The following MAST4 variants were observed in gnomAD, a reference collection of about 807,000 sequenced individuals.
MAST4 encodes the protein microtubule-associated serine/threonine-protein kinase 4.
Under a neutral mutation model 162.7 loss-of-function variants are expected in MAST4, and 89 were observed. The observed-to-expected ratio is 0.55, with a 90% CI of 0.46 to 0.65. The LOEUF is 0.65. Among genes scored for constraint, MAST4 ranks in the 30% least tolerant of loss-of-function variants. The probability of loss-of-function intolerance (pLI) is 0.00; values close to 1 mark genes in which losing one functional copy is unlikely to be tolerated. For synonymous variants in MAST4, 1,479 were observed against 1,361.1 expected (o/e 1.09, Z -1.91); for missense variants, 3,153 against 3,374.0 (o/e 0.93, Z 1.62).
intron 3 of MAST4, among the ~76,000 whole-genome samples, chr5:66,845,449 C>A (rs1019277919): frequency 6.6e-6 from 1 of 151,882 alleles, no homozygotes; most frequent in Non-Finnish European, 1.5e-5. Flanking sequence ...TGAACTCATC[C>A]TTTTTTATGG....
At chr5:66,957,787 G>A (rs1177996956) in intron 4 of MAST4, among the ~76,000 whole-genome samples, 1 of 152,216 alleles carries the variant, frequency 6.6e-6, no homozygotes, top group Non-Finnish European at 1.5e-5. Flanking sequence ...CAGAGCTGAG[G>A]GAGACTTCGT....
chr5:66,926,692 T>A (rs552125029), intron 4 of MAST4, among the ~76,000 whole-genome samples: 2 of 152,200 alleles, frequency 1.3e-5, no homozygotes, highest in Admixed American at 6.5e-5. Context: ...ATTTCCATTA[T>A]TGTTCCTATG....
chr5:66,837,442 C>G (rs1336967658), intron 3 of MAST4, among the ~76,000 whole-genome samples: 1 of 152,018 alleles, frequency 6.6e-6, no homozygotes, highest in East Asian at 1.9e-4. Flanking sequence ...TTTAACTTTG[C>G]TTTCCTTCAT....
chr5:66,898,547 C>T (rs1298534230), intron 3 of MAST4, among the ~76,000 whole-genome samples: 1 of 151,994 alleles, frequency 6.6e-6, no homozygotes, highest in East Asian at 1.9e-4. Flanking sequence ...AATCAGGGAG[C>T]CAAGTTCAGC....
intron 1 of MAST4, among the ~76,000 whole-genome samples, chr5:66,674,283 G>A (rs997369191): frequency 1.3e-5 from 2 of 152,206 alleles, no homozygotes; most frequent in Admixed American, 1.3e-4. Context: ...GCATGAGAGA[G>A]TAACTTTCTT....
At chr5:66,674,787 C>T (rs1205952457) in intron 1 of MAST4, among the ~76,000 whole-genome samples, 1 of 152,176 alleles carries the variant, frequency 6.6e-6, no homozygotes, top group East Asian at 1.9e-4. Context: ...GGGCAGAATT[C>T]TAGATTGATT....
intron 5 of MAST4, among the ~76,000 whole-genome samples, chr5:67,063,669 C>T (rs1234846815): frequency 2.0e-5 from 3 of 151,570 alleles, no homozygotes; most frequent in Non-Finnish European, 4.4e-5. Flanking sequence ...TGGGCAGACA[C>T]CCATAGGGCA....
At chr5:66,998,383 A>G (rs1750908936) in intron 4 of MAST4, among the ~76,000 whole-genome samples, 1 of 152,162 alleles carries the variant, frequency 6.6e-6, no homozygotes, top group Admixed American at 6.5e-5. Flanking sequence ...TTCATACACA[A>G]CTAGTTGTAT....
chr5:66,850,006 G>A (rs1396315361), intron 3 of MAST4, among the ~76,000 whole-genome samples: 2 of 152,158 alleles, frequency 1.3e-5, no homozygotes, highest in East Asian at 3.8e-4. Context: ...ACATCAGCCA[G>A]AATAAAGATG....
rs192909074 is a variant in MAST4, at chr5:66,696,188, C to A, written c.364-63521C>A. 1.3e-3 allele frequency among the ~76,000 whole-genome samples: 192 copies of A among 152,144 alleles called. 1 individual carries two copies. The highest frequency in any genetic ancestry group is 4.5e-3 in the African/African-American group (188 of 41,494). ...GGGATATGGAGGGGAAAAACACACACTGGGGCCTGTTGGGGCGGAGGGTGG... is the reference window on the plus strand; with the variant it reads ...GGGATATGGAGGGGAAAAACACACAATGGGGCCTGTTGGGGCGGAGGGTGG... On this transcript the variant is annotated intron_variant, in intron 1 of 28. Transcript: ENST00000403625.
In MAST4 at chr5:67,100,578, T is replaced by A; in HGVS notation, c.1056T>A (p.Arg352=). 6.2e-7 allele frequency: 1 copy of A among 1,613,912 alleles called. No homozygotes were observed. Among genetic ancestry groups the A allele is most frequent in the Non-Finnish European group, 8.5e-7 (1 of 1,179,824 alleles). Residue 352 remains arginine (R), a synonymous_variant, in exon 8 of 29, where the codon CGT becomes CGA. Transcript: ENST00000403625. ...GCAGGAACACGCCGATGCGCCCCCG[T>A]TCCCGAAGTCTGAGGTGTGTGGGCC... The part of the protein sequence containing the change: ...NRCRNTPMRP[R]SRSLSPGRSP...
chr5:66,930,671 T>C, intron 4 of MAST4: 1 of 468,586 alleles, frequency 2.1e-6, no homozygotes, highest in South Asian at 1.6e-5. Context: ...CCCTTTGACA[T>C]GCTTTCAGGA....
At chr5:66,649,366 C>G (rs938736486) in intron 1 of MAST4, among the ~76,000 whole-genome samples, 17 of 152,144 alleles carry the variant, frequency 1.1e-4, no homozygotes, top group Non-Finnish European at 2.2e-4. Context: ...CTGTGCGTGT[C>G]TCTCCGGTAA....
At chr5:66,998,352 C>A (rs1284507506) in intron 4 of MAST4, among the ~76,000 whole-genome samples, 1 of 152,142 alleles carries the variant, frequency 6.6e-6, no homozygotes, top group Non-Finnish European at 1.5e-5. Context: ...TTCACTGTTA[C>A]CATCAAAAAG....
intron 1 of MAST4, among the ~76,000 whole-genome samples, chr5:66,679,058 T>C (rs955887187): frequency 1.3e-5 from 2 of 152,202 alleles, no homozygotes; most frequent in African/African-American, 4.8e-5. Context: ...TCCTGAAGTC[T>C]GAGATTACAG....
chr5:66,782,374 A>G (rs770878503), intron 2 of MAST4, among the ~76,000 whole-genome samples: 3 of 152,130 alleles, frequency 2.0e-5, no homozygotes, highest in Non-Finnish European at 4.4e-5. Context: ...GTCTAGATTC[A>G]ATAATGTATT....
intron 4 of MAST4, among the ~76,000 whole-genome samples, chr5:66,922,157 C>T (rs1764582823): frequency 6.6e-6 from 1 of 152,140 alleles, no homozygotes; most frequent in Non-Finnish European, 1.5e-5. Context: ...AGATGCAGTT[C>T]TTTTGGAGTA....
intron 4 of MAST4, among the ~76,000 whole-genome samples, chr5:66,984,192 C>T (rs1749190216): frequency 6.6e-6 from 1 of 152,134 alleles, no homozygotes; most frequent in South Asian, 2.1e-4. Flanking sequence ...ACAGGGGAGT[C>T]CATGGCTTCT....
chr5:66,947,488 C>A (rs1302656802), intron 4 of MAST4, among the ~76,000 whole-genome samples: 1 of 152,124 alleles, frequency 6.6e-6, no homozygotes, highest in Non-Finnish European at 1.5e-5. Flanking sequence ...TTCTCTGATT[C>A]TTCGAGGTTT....
Sources: gnomAD v4.1 joint callset for allele counts (sites outside exome capture counted in the v4.1 genomes callset) on GRCh38, gnomAD v4.1.1 for gene constraint, MANE v1.5 for transcripts, NCBI Gene and HGNC (gene_info 2026-07-23, HGNC 2026-07-21) for gene names.